Variants in PHLPP1 observed in about 807,000 individuals in gnomAD.
PHLPP1 encodes the protein PH domain and leucine rich repeat protein phosphatase 1, also known as PH domain leucine-rich repeat-containing protein phosphatase 1.
A neutral mutation model predicts 117.2 loss-of-function variants in PHLPP1; 42 were observed. The observed-to-expected ratio is 0.36, with a 90% CI of 0.28 to 0.46. The LOEUF (loss-of-function observed/expected upper bound fraction) is 0.46. PHLPP1 is among the 20% of genes least tolerant of loss of function. PHLPP1 has a pLI of 1.00. For synonymous variants in PHLPP1, 1,042 were observed against 970.7 expected, an observed-to-expected ratio of 1.07 and a Z score of -1.37; for missense variants, 2,084 against 2,241.9, an observed-to-expected ratio of 0.93 and a Z score of 1.42.
chr18:62,865,736 A>T (rs868601904), intron 4 of PHLPP1, among the ~76,000 whole-genome samples: 1 of 152,234 alleles, frequency 6.6e-6, no homozygotes, highest in Non-Finnish European at 1.5e-5. Context: ...TTTCAGGGAC[A>T]TGGATGGAGC....
intron 1 of PHLPP1, among the ~76,000 whole-genome samples, chr18:62,727,813 AT>A (rs1337772832): frequency 6.6e-6 from 1 of 151,906 alleles, no homozygotes; most frequent in Admixed American, 6.6e-5. Flanking sequence ...TGATGCCCCA[AT>A]TTCCCACGCC....
At chr18:62,861,995 G>A (rs1050126476) in intron 4 of PHLPP1, among the ~76,000 whole-genome samples, 1 of 152,150 alleles carries the variant, frequency 6.6e-6, no homozygotes, top group African/African-American at 2.4e-5. Context: ...GTACTACTCC[G>A]TTGTGTAACA....
At chr18:62,916,658 A>G (rs1417307390) in intron 9 of PHLPP1, among the ~76,000 whole-genome samples, 2 of 149,752 alleles carry the variant, frequency 1.3e-5, no homozygotes, top group Non-Finnish European at 3.0e-5. Flanking sequence ...TAGTAGAGGA[A>G]CAGGAAAAAT....
Position 62,787,871 on chromosome 18 carries a change from A to G in PHLPP1, c.1577-42164A>G, listed in dbSNP as rs185056042. ...GGATTTCACCGATGTGTTTTACTGAAGGAATGGAGATGTGTGGGTAATCCA... is the reference window on the plus strand; with the variant it reads ...GGATTTCACCGATGTGTTTTACTGAGGGAATGGAGATGTGTGGGTAATCCA... On this transcript the variant is annotated intron_variant, in intron 1 of 16. Coordinates refer to ENST00000262719, the MANE Select transcript of PHLPP1 (RefSeq NM_194449.4). Among the ~76,000 whole-genome samples, 232 of 152,306 alleles carry G rather than the reference A, an allele frequency of 1.5e-3. 1 individual carries two copies. Among genetic ancestry groups the G allele is most frequent in the African/African-American group, 5.4e-3 (224 of 41,552 alleles).
intron 4 of PHLPP1, among the ~76,000 whole-genome samples, chr18:62,870,485 G>T (rs557530232): frequency 2.8e-4 from 42 of 152,264 alleles, no homozygotes; most frequent in African/African-American, 9.6e-4. Context: ...ATTTTTATTT[G>T]TGTGTTTAGG....
At chr18:62,756,765 C>T (rs1184150057) in intron 1 of PHLPP1, among the ~76,000 whole-genome samples, 2 of 152,204 alleles carry the variant, frequency 1.3e-5, no homozygotes, top group African/African-American at 4.8e-5. Context: ...GTAATATACC[C>T]ATTCTGAACC....
chr18:62,951,101 C>T (rs996056558), intron 12 of PHLPP1, among the ~76,000 whole-genome samples: 5 of 152,038 alleles, frequency 3.3e-5, no homozygotes, highest in African/African-American at 1.2e-4. Flanking sequence ...CCCACCTCAG[C>T]CTCCCAAGTA....
chr18:62,891,910 A>G (rs1338277969), intron 4 of PHLPP1, among the ~76,000 whole-genome samples: 131 of 122,336 alleles, frequency 1.1e-3, no homozygotes, highest in Non-Finnish European at 1.5e-3. Context: ...AAAAAAAAAA[A>G]AAAGAAAGAA....
chr18:62,971,884 A>G (rs1043579827), intron 14 of PHLPP1, among the ~76,000 whole-genome samples: 1 of 151,990 alleles, frequency 6.6e-6, no homozygotes, highest in Non-Finnish European at 1.5e-5. Flanking sequence ...TAAAAATACA[A>G]AATTAGCTGG....
At chr18:62,778,640 G>A (rs1229966200) in intron 1 of PHLPP1, among the ~76,000 whole-genome samples, 1 of 152,116 alleles carries the variant, frequency 6.6e-6, no homozygotes. Flanking sequence ...TAATACAAGC[G>A]TGTGTTCAAA....
intron 1 of PHLPP1, among the ~76,000 whole-genome samples, chr18:62,806,341 G>A (rs1908075403): frequency 6.6e-6 from 1 of 152,088 alleles, no homozygotes. Context: ...TGATACATTT[G>A]GAAGGAAAGG....
At chr18:62,893,156 C>T (rs1916469191) in intron 4 of PHLPP1, among the ~76,000 whole-genome samples, 1 of 151,850 alleles carries the variant, frequency 6.6e-6, no homozygotes, top group African/African-American at 2.4e-5. Flanking sequence ...ATTCTTGTGC[C>T]TCAGCCTCCA....
chr18:62,782,393 T>C (rs1029178154), intron 1 of PHLPP1, among the ~76,000 whole-genome samples: 3 of 152,244 alleles, frequency 2.0e-5, no homozygotes, highest in African/African-American at 7.2e-5. Flanking sequence ...TTGGATTTTT[T>C]AATTGGGTGG....
At chr18:62,845,808 A>G (rs1915166658) in intron 3 of PHLPP1, among the ~76,000 whole-genome samples, 1 of 152,190 alleles carries the variant, frequency 6.6e-6, no homozygotes, top group Admixed American at 6.5e-5. Context: ...GTACTGTTCT[A>G]CTGAGGAGTC....
At chr18:62,888,286 AATGT>A (rs1484732912) in intron 4 of PHLPP1, among the ~76,000 whole-genome samples, 8 of 122,452 alleles carry the variant, frequency 6.5e-5, no homozygotes, top group African/African-American at 2.5e-4. Flanking sequence ...TATTTCACAA[AATGT>A]GTGTGTGTGT....
rs1163829798 is a variant in PHLPP1, at chr18:62,764,099, G to A, written c.1576+46840G>A. ...AATCGCTTGAACCCGGCAGGCGGAG[G>A]TTGCAGTGAGCCAAGATCAAGCCAT... is the stretch of plus-strand genomic sequence containing the variant. On this transcript the variant is annotated intron_variant, in intron 1 of 16. Transcript: ENST00000262719. Among the ~76,000 whole-genome samples, 7 of 146,146 alleles carry A rather than the reference G, an allele frequency of 4.8e-5. No individual in the cohort carries two copies. The East Asian group carries it at 1.5e-3, about 31-fold the overall frequency.
At chr18:62,743,244 A>G (rs1035985216) in intron 1 of PHLPP1, among the ~76,000 whole-genome samples, 3 of 151,510 alleles carry the variant, frequency 2.0e-5, no homozygotes, top group African/African-American at 7.3e-5. Context: ...TCATTTCCCT[A>G]TTTTTGAGTA....
chr18:62,808,697 A>G (rs563813062), intron 1 of PHLPP1, among the ~76,000 whole-genome samples: 4 of 152,010 alleles, frequency 2.6e-5, no homozygotes, highest in Non-Finnish European at 4.4e-5. Context: ...GATTACAGGC[A>G]TGCGCCACCA....
chr18:62,949,027 C>T lies in PHLPP1; in HGVS notation c.3324+3756C>T, dbSNP rs116609191. ...TGTAAAAGAAGTAATTTCATTTCTACGGTGATATATTCCAACCTGTATTAA... is the reference window on the plus strand; with the variant it reads ...TGTAAAAGAAGTAATTTCATTTCTATGGTGATATATTCCAACCTGTATTAA... On this transcript the variant is annotated intron_variant, in intron 12 of 16. Coordinates refer to ENST00000262719, the MANE Select transcript of PHLPP1 (RefSeq NM_194449.4). Among the ~76,000 whole-genome samples the T allele has an allele frequency of 4.9e-3, 748 of 152,120 alleles. 4 individuals are homozygous for T. Among genetic ancestry groups the T allele is most frequent in the African/African-American group, 0.017 (712 of 41,496 alleles).
Sources: gnomAD v4.1 joint callset for allele counts (sites outside exome capture counted in the v4.1 genomes callset) on GRCh38, gnomAD v4.1.1 for gene constraint, MANE v1.5 for transcripts, NCBI Gene and HGNC (gene_info 2026-07-23, HGNC 2026-07-21) for gene names.